The following HHAT variants were observed in gnomAD, a reference collection of about 807,000 sequenced individuals.
HHAT encodes the protein hedgehog acyltransferase, also known as protein-cysteine N-palmitoyltransferase HHAT.
A neutral mutation model predicts 70.8 loss-of-function variants in HHAT; 47 were observed. The observed-to-expected ratio is 0.66, with a 90% confidence interval of 0.53 to 0.85. HHAT has a LOEUF of 0.85. HHAT is among the 40% of genes least tolerant of loss of function. HHAT has a pLI of 0.00. For synonymous variants in HHAT, 228 were observed against 247.6 expected, an observed-to-expected ratio of 0.92 and a Z score of 0.74; for missense variants, 609 against 604.8, an observed-to-expected ratio of 1.01 and a Z score of -0.07.
intron 3 of HHAT, among the ~76,000 whole-genome samples, chr1:210,383,452 G>A (rs1202346778): frequency 5.3e-5 from 8 of 151,478 alleles, no homozygotes; most frequent in Non-Finnish European, 1.2e-4. Flanking sequence ...AAAGATCATT[G>A]TTTGCCAGGG....
intron 11 of HHAT, among the ~76,000 whole-genome samples, chr1:210,673,195 G>A (rs942153783): frequency 6.6e-6 from 1 of 152,062 alleles, no homozygotes; most frequent in Non-Finnish European, 1.5e-5. Context: ...GACAAGCCAC[G>A]TCTGCATGTC....
intron 11 of HHAT, among the ~76,000 whole-genome samples, chr1:210,661,785 G>A (rs1677784134): frequency 6.6e-6 from 1 of 152,118 alleles, no homozygotes; most frequent in Non-Finnish European, 1.5e-5. Context: ...ATCATTCTGA[G>A]CAAACTATCA....
Position 210,450,640 on chromosome 1 carries a change from T to A in HHAT, c.857-13865T>A, listed in dbSNP as rs2093734825. ...TTTTTTTTACATACCCCAAGGACTG[T>A]GACAATAGCAGAGGGCACATTTTAT... On this transcript the variant is annotated intron_variant, in intron 7 of 11. Coordinates refer to ENST00000261458, the MANE Select transcript of HHAT (RefSeq NM_018194.6). Among the ~76,000 whole-genome samples the A allele has an allele frequency of 3.3e-5, 5 of 150,050 alleles. No homozygotes were observed. In the Admixed American group the frequency reaches 3.3e-4, roughly 10 times the overall value.
intron 9 of HHAT, among the ~76,000 whole-genome samples, chr1:210,549,133 C>T (rs1355048681): frequency 1.3e-5 from 2 of 150,208 alleles, no homozygotes; most frequent in Admixed American, 6.8e-5. Context: ...ATAATAACGG[C>T]ATTTACCTTG....
chr1:210,636,122 T>A (rs1194250844), intron 11 of HHAT, among the ~76,000 whole-genome samples: 2 of 152,236 alleles, frequency 1.3e-5, no homozygotes, highest in African/African-American at 4.8e-5. Context: ...AACTTCTCTT[T>A]CCTTGGATAC....
At chr1:210,541,734 A>T (rs2095433057) in intron 9 of HHAT, among the ~76,000 whole-genome samples, 1 of 152,186 alleles carries the variant, frequency 6.6e-6, no homozygotes, top group African/African-American at 2.4e-5. Context: ...CTCAAAAAAC[A>T]AACAAAAAAC....
chr1:210,618,511 T>C (rs1326251929), intron 10 of HHAT, among the ~76,000 whole-genome samples: 1 of 152,162 alleles, frequency 6.6e-6, no homozygotes, highest in Admixed American at 6.5e-5. Flanking sequence ...CACTTAAAAA[T>C]AAGCAGCATC....
intron 8 of HHAT, among the ~76,000 whole-genome samples, chr1:210,504,617 C>G (rs1358149666): frequency 1.3e-5 from 2 of 152,118 alleles, no homozygotes; most frequent in African/African-American, 4.8e-5. Flanking sequence ...GTGTGAAATG[C>G]CCAGATCTCA....
At chr1:210,447,039 T>TA (rs2093649056) in intron 7 of HHAT, among the ~76,000 whole-genome samples, 1 of 152,214 alleles carries the variant, frequency 6.6e-6, no homozygotes, top group African/African-American at 2.4e-5. Flanking sequence ...CGGGTCAGGC[T>TA]AAACCCCTTT....
intron 8 of HHAT, among the ~76,000 whole-genome samples, chr1:210,498,924 C>T (rs1008374263): frequency 2.6e-4 from 40 of 151,918 alleles, no homozygotes; most frequent in Non-Finnish European, 4.7e-4. Context: ...TGCCCATGAC[C>T]GTGCCTGGCT....
chr1:210,354,548 G>A lies in HHAT; in HGVS notation c.91+5482G>A, dbSNP rs986116510. Among the ~76,000 whole-genome samples, 6 of 152,068 alleles carry A rather than the reference G, an allele frequency of 3.9e-5. No homozygotes were observed. In the South Asian group the frequency reaches 1.2e-3, roughly 32 times the overall value. ...TTATTTTTTATTTTATAAAAAGAGA[G>A]ACAAGCTCTCTCTATGTTGCTCAGA... is the stretch of plus-strand genomic sequence containing the variant. On this transcript the variant is annotated intron_variant, in intron 2 of 11. Transcript: ENST00000261458.
Position 210,380,530 on chromosome 1 carries a change from ACT to A in HHAT, c.160-6935_160-6934del, listed in dbSNP as rs373062044. ...ACTCCAGCCTGGGCGACAGAGCAAG[ACT>A]CTGTCGCAAAAAATAAATAAAATAA... is the stretch of plus-strand genomic sequence containing the variant. On this transcript the variant is annotated intron_variant, in intron 3 of 11. Coordinates refer to ENST00000261458, the MANE Select transcript of HHAT (RefSeq NM_018194.6). Among the ~76,000 whole-genome samples the A allele has an allele frequency of 9.9e-4, 151 of 152,160 alleles. 1 individual carries two copies. Among genetic ancestry groups the A allele is most frequent in the African/African-American group, 3.5e-3 (147 of 41,496 alleles).
At chr1:210,650,063 G>A (rs557243708) in intron 11 of HHAT, among the ~76,000 whole-genome samples, 34 of 152,318 alleles carry the variant, frequency 2.2e-4, no homozygotes, top group African/African-American at 7.2e-4. Context: ...AAAGAAACCT[G>A]TTCATCTTGC....
chr1:210,392,612 T>G (rs961839835), intron 4 of HHAT, among the ~76,000 whole-genome samples: 3 of 152,192 alleles, frequency 2.0e-5, no homozygotes, highest in African/African-American at 7.2e-5. Flanking sequence ...TCTACAAATG[T>G]TAAATTATTA....
chr1:210,366,809 C>T (rs1216897204), intron 3 of HHAT, among the ~76,000 whole-genome samples: 2 of 152,166 alleles, frequency 1.3e-5, no homozygotes, highest in African/African-American at 4.8e-5. Context: ...TGTTCCTCTT[C>T]TGGATTGGGG....
At chr1:210,623,748 T>C in intron 11 of HHAT, 78 bp downstream of exon 11, 1 of 1,432,288 alleles carries the variant, frequency 7.0e-7, no homozygotes, top group South Asian at 1.3e-5. Flanking sequence ...ATGGGATGGA[T>C]GGGATTTGGG....
intron 4 of HHAT, among the ~76,000 whole-genome samples, chr1:210,394,031 A>G (rs1348932122): frequency 1.3e-5 from 2 of 151,980 alleles, no homozygotes; most frequent in African/African-American, 4.8e-5. Context: ...TTTTCTCCCC[A>G]TTCTCTGAGG....
intron 8 of HHAT, among the ~76,000 whole-genome samples, chr1:210,487,941 A>G (rs1277868648): frequency 1.3e-5 from 2 of 152,114 alleles, no homozygotes; most frequent in African/African-American, 4.8e-5. Context: ...TGCCTTCACC[A>G]TCCCTCAGAA....
intron 9 of HHAT, among the ~76,000 whole-genome samples, chr1:210,566,160 C>CA (rs575764268): frequency 2.0e-5 from 3 of 152,116 alleles, no homozygotes; most frequent in East Asian, 3.9e-4. Flanking sequence ...TTAAAGTTGC[C>CA]AAAAAATTAG....
Sources: gnomAD v4.1 joint callset for allele counts (sites outside exome capture counted in the v4.1 genomes callset) on GRCh38, gnomAD v4.1.1 for gene constraint, MANE v1.5 for transcripts, NCBI Gene and HGNC (gene_info 2026-07-23, HGNC 2026-07-21) for gene names.